ADAMTS19: variants seen among roughly 807,000 people sequenced by gnomAD.
ADAMTS19 encodes the protein ADAM metallopeptidase with thrombospondin type 1 motif 19, also known as A disintegrin and metalloproteinase with thrombospondin motifs 19.
Under a neutral mutation model 153.3 loss-of-function variants are expected in ADAMTS19, and 93 were observed. That is an observed-to-expected ratio of 0.61 (90% CI 0.51 to 0.72). ADAMTS19 has a LOEUF of 0.72. ADAMTS19 is among the 30% of genes least tolerant of loss of function. The pLI is 0.00. For missense variants in ADAMTS19, 1,482 were observed against 1,552.1 expected (o/e 0.95, Z 0.76); for synonymous variants, 600 against 556.6 (o/e 1.08, Z -1.10).
rs1315754983 is a variant in ADAMTS19 at position 129,648,803 on chromosome 5, A to G, written c.2009A>G (p.Asp670Gly). ...ATTTGTACTTTCTTTTCTAGGCTAG[A>G]TTCTGAAGCAAGGGATTGTAATGGT... ...SSRERKCPGL[D>G]SEARDCNGPR... Residue 670 changes from aspartate to glycine, a missense_variant, in exon 13 of 23, where the codon GAT becomes GGT. Physicochemically the swap from Asp to Gly is moderately conservative, Grantham distance 94. Coordinates refer to ENST00000274487, the MANE Select transcript of ADAMTS19 (RefSeq NM_133638.6). 1 of 1,612,840 alleles carries G rather than the reference A, an allele frequency of 6.2e-7. No individual in the cohort carries two copies. The highest frequency in any genetic ancestry group is 2.2e-5 in the East Asian group (1 of 44,846).
At chr5:129,499,988 T>C (rs1047828862) in intron 2 of ADAMTS19, among the ~76,000 whole-genome samples, 1 of 152,162 alleles carries the variant, frequency 6.6e-6, no homozygotes, top group Non-Finnish European at 1.5e-5. Context: ...AGGGTCATAA[T>C]AAAACTCTTG....
intron 7 of ADAMTS19, among the ~76,000 whole-genome samples, chr5:129,592,990 A>G (rs1393338720): frequency 6.6e-6 from 1 of 152,156 alleles, no homozygotes; most frequent in Non-Finnish European, 1.5e-5. Context: ...ACATGCTATT[A>G]TATTATAAAC....
At chr5:129,539,080 AT>A (rs1324536303) in intron 6 of ADAMTS19, among the ~76,000 whole-genome samples, 3 of 152,068 alleles carry the variant, frequency 2.0e-5, no homozygotes, top group Non-Finnish European at 4.4e-5. Context: ...TCTGGCAAGT[AT>A]TTTTATGTTA....
chr5:129,678,391 T>C (rs947279778), intron 16 of ADAMTS19, among the ~76,000 whole-genome samples: 1 of 152,178 alleles, frequency 6.6e-6, no homozygotes, highest in Admixed American at 6.5e-5. Flanking sequence ...AGTGTCAGCA[T>C]GTTGTAGTCA....
intron 7 of ADAMTS19, among the ~76,000 whole-genome samples, chr5:129,573,515 C>T (rs1753985695): frequency 6.6e-6 from 1 of 152,052 alleles, no homozygotes; most frequent in African/African-American, 2.4e-5. Flanking sequence ...ATGTCTGTCT[C>T]TTCAGCACAT....
chr5:129,689,581 C>T (rs1337143676), intron 18 of ADAMTS19, among the ~76,000 whole-genome samples: 2 of 151,938 alleles, frequency 1.3e-5, no homozygotes, highest in African/African-American at 4.8e-5. Flanking sequence ...CACACCACCA[C>T]ACCCAGCTAA....
At chr5:129,631,678 G>T (rs916888122) in intron 10 of ADAMTS19, among the ~76,000 whole-genome samples, 5 of 151,680 alleles carry the variant, frequency 3.3e-5, no homozygotes, top group African/African-American at 1.2e-4. Flanking sequence ...CTGATTTTGT[G>T]TGTTTATTTT....
intron 3 of ADAMTS19, among the ~76,000 whole-genome samples, chr5:129,517,021 C>G (rs1015254945): frequency 6.6e-5 from 10 of 151,212 alleles, no homozygotes; most frequent in Non-Finnish European, 1.5e-5. Context: ...TTCCTTCTCA[C>G]TTTCTTCATT....
chr5:129,483,951 T>C (rs1355022435), intron 2 of ADAMTS19, among the ~76,000 whole-genome samples: 2 of 152,210 alleles, frequency 1.3e-5, no homozygotes, highest in African/African-American at 4.8e-5. Context: ...TTATATATTC[T>C]GCCAAATCAA....
At position 129,461,838 on chromosome 5, in the gene ADAMTS19, C is replaced by A; in HGVS notation, c.747+81C>A. 2.1e-6 allele frequency: 3 copies of A among 1,439,892 alleles called. No individual in the cohort carries two copies. Among genetic ancestry groups the A allele is most frequent in the Non-Finnish European group, 2.7e-6 (3 of 1,104,566 alleles). 89.2% of individuals were successfully genotyped at this position (1,439,892 alleles called of 1,614,324 possible). On this transcript the variant is annotated intron_variant, in intron 2 of 22. Transcript: ENST00000274487. This position sits in a 1 kb window ranked among gnomAD's most constrained non-coding sequence, Gnocchi z 4.6. ...CATAGGTCAGGATGATTTGCATGCA[C>A]CTTCTCCCCTTTCAGTGTGCTCCTT...
At chr5:129,601,087 G>T (rs573637697) in intron 8 of ADAMTS19, among the ~76,000 whole-genome samples, 2 of 152,088 alleles carry the variant, frequency 1.3e-5, no homozygotes, top group African/African-American at 4.8e-5. Context: ...TGGTCAGGCT[G>T]GTCTCGAACT....
At chr5:129,692,589 G>A (rs1755383359) in intron 18 of ADAMTS19, among the ~76,000 whole-genome samples, 1 of 152,196 alleles carries the variant, frequency 6.6e-6, no homozygotes, top group South Asian at 2.1e-4. Context: ...GAGGACCTCA[G>A]AGGGTGTAGT....
At position 129,601,799 on chromosome 5, in the gene ADAMTS19, G is replaced by A. The variant is rs188283688; in HGVS notation, c.1478+5135G>A. The stretch of plus-strand genomic sequence containing the variant: ...CTTGATATCCAGGGATTTTACTGGC[G>A]TTTGATCATGTAGGCTTGGTTGACT... On this transcript the variant is annotated intron_variant, in intron 8 of 22. Transcript: ENST00000274487. Among the ~76,000 whole-genome samples, 63 of 152,186 alleles carry A rather than the reference G, an allele frequency of 4.1e-4. 1 individual carries two copies. Among genetic ancestry groups the A allele is most frequent in the Non-Finnish European group, 3.2e-4 (22 of 68,012 alleles).
chr5:129,578,886 G>A (rs1581106492), intron 7 of ADAMTS19, among the ~76,000 whole-genome samples: 1 of 152,132 alleles, frequency 6.6e-6, no homozygotes, highest in Non-Finnish European at 1.5e-5. Context: ...ACTGTGAACA[G>A]TGCTGCAATA....
At chr5:129,652,068 A>C (rs1315702190) in intron 13 of ADAMTS19, among the ~76,000 whole-genome samples, 2 of 152,212 alleles carry the variant, frequency 1.3e-5, no homozygotes, top group African/African-American at 4.8e-5. Context: ...AATTTAAAAC[A>C]CTAAAGCTGT....
chr5:129,612,095 GTA>G (rs1751252485), intron 8 of ADAMTS19, among the ~76,000 whole-genome samples: 1 of 150,916 alleles, frequency 6.6e-6, no homozygotes, highest in Admixed American at 6.6e-5. Context: ...TTAGCATTAG[GTA>G]TATGTCCTAA....
chr5:129,515,875 G>A (rs1336547937), intron 3 of ADAMTS19, among the ~76,000 whole-genome samples: 4 of 151,906 alleles, frequency 2.6e-5, no homozygotes, highest in Admixed American at 2.6e-4. Flanking sequence ...CGATTTTAGA[G>A]AAAAGTCTTT....
chr5:129,603,845 G>A (rs1040530754), intron 8 of ADAMTS19, among the ~76,000 whole-genome samples: 3 of 152,178 alleles, frequency 2.0e-5, no homozygotes, highest in Non-Finnish European at 4.4e-5. Flanking sequence ...TCAAAGCCAA[G>A]TCCATCCAAA....
chr5:129,732,647 C>T (rs192193126), intron 21 of ADAMTS19, among the ~76,000 whole-genome samples: 54 of 152,146 alleles, frequency 3.5e-4, no homozygotes, highest in Non-Finnish European at 6.3e-4. Context: ...CTGCAAAACA[C>T]TGATGAAAGA....
Sources: gnomAD v4.1 joint callset for allele counts (sites outside exome capture counted in the v4.1 genomes callset) on GRCh38, gnomAD v4.1.1 for gene constraint, Gnocchi (gnomAD v3.1) non-coding constraint, MANE v1.5 for transcripts, NCBI Gene and HGNC (gene_info 2026-07-23, HGNC 2026-07-21) for gene names.